PRKACB: variants seen among roughly 807,000 people sequenced by gnomAD.
The protein encoded by PRKACB is cAMP-dependent protein kinase catalytic subunit beta.
A neutral mutation model predicts 51.4 loss-of-function variants in PRKACB; 16 were observed. The observed-to-expected ratio is 0.31, with a 90% CI of 0.21 to 0.47. PRKACB has a LOEUF of 0.47. PRKACB is among the 20% of genes least tolerant of loss of function. PRKACB has a pLI of 1.00. For missense variants in PRKACB, 309 were observed against 464.5 expected (o/e 0.67, Z 3.08); for synonymous variants, 147 against 154.4 (o/e 0.95, Z 0.35).
intron 2 of PRKACB, among the ~76,000 whole-genome samples, chr1:84,181,201 CAGTGAACT>C (rs377578138): frequency 0.013 from 1,950 of 152,064 alleles, 56 homozygotes; most frequent in African/African-American, 0.045. Context: ...AATCCAACTA[CAGTGAACT>C]GTAATACCTA....
At chr1:84,155,117 C>A (rs1655323021) in intron 1 of PRKACB, among the ~76,000 whole-genome samples, 1 of 151,960 alleles carries the variant, frequency 6.6e-6, no homozygotes, top group Admixed American at 6.6e-5. Context: ...ATGATATTAT[C>A]TTGTATATTA....
At chr1:84,107,120 T>A (rs1273740235) in intron 1 of PRKACB, among the ~76,000 whole-genome samples, 1 of 152,120 alleles carries the variant, frequency 6.6e-6, no homozygotes, top group Non-Finnish European at 1.5e-5. Context: ...CCTACAGATA[T>A]GCCCCCGAAC....
intron 5 of PRKACB, among the ~76,000 whole-genome samples, chr1:84,188,486 C>T (rs1665825116): frequency 6.6e-6 from 1 of 151,606 alleles, no homozygotes; most frequent in Non-Finnish European, 1.5e-5. Flanking sequence ...TCTAGAATAG[C>T]CATGGGTAAA....
At chr1:84,235,131 A>C (rs1572628569) in intron 9 of PRKACB, 49 bp from the exon 10 acceptor site, 1 of 1,562,222 alleles carries the variant, frequency 6.4e-7, no homozygotes, top group Non-Finnish European at 8.7e-7. Context: ...GGAAACTCTC[A>C]GGAATTTTTT....
At chr1:84,197,952 A>T (rs376153791) in intron 7 of PRKACB, 128 bp downstream of exon 7, 2 of 624,566 alleles carry the variant, frequency 3.2e-6, no homozygotes, top group African/African-American at 1.9e-5. Context: ...ATTTAAATCT[A>T]TTTGTGCATG....
At chr1:84,212,595 A>G (rs11802441) in intron 8 of PRKACB, among the ~76,000 whole-genome samples, 348 of 152,238 alleles carry the variant, frequency 2.3e-3, no homozygotes, top group African/African-American at 7.9e-3. Flanking sequence ...CAACTCTGCC[A>G]CTTTATGGCC....
intron 1 of PRKACB, among the ~76,000 whole-genome samples, chr1:84,094,733 C>G (rs932362929): frequency 6.6e-6 from 1 of 152,104 alleles, no homozygotes; most frequent in African/African-American, 2.4e-5. Context: ...CACATACACA[C>G]ACTAAGACAA....
At chr1:84,184,629 G>A (rs957930421) in intron 4 of PRKACB, among the ~76,000 whole-genome samples, 1 of 151,406 alleles carries the variant, frequency 6.6e-6, no homozygotes, top group Non-Finnish European at 1.5e-5. Flanking sequence ...GAATGATACT[G>A]GCATCTCTCT....
chr1:84,189,175 G>C (rs1196379009), intron 5 of PRKACB, among the ~76,000 whole-genome samples: 2 of 151,810 alleles, frequency 1.3e-5, no homozygotes, highest in Non-Finnish European at 2.9e-5. Flanking sequence ...TCATCTGAAA[G>C]TTGATTGAGT....
chr1:84,111,579 C>A (rs1316590832), intron 1 of PRKACB, among the ~76,000 whole-genome samples: 3 of 151,902 alleles, frequency 2.0e-5, no homozygotes, highest in African/African-American at 7.2e-5. Flanking sequence ...ACTACCCATA[C>A]ATAATTTCCA....
At chr1:84,173,244 G>A in intron 1 of PRKACB, 1 of 970,790 alleles carries the variant, frequency 1.0e-6, no homozygotes. Flanking sequence ...GTGCAGTACA[G>A]TAGTGAACAT....
chr1:84,205,011 C>T (rs1209672651), intron 8 of PRKACB: 3 of 983,550 alleles, frequency 3.1e-6, no homozygotes, highest in South Asian at 4.7e-5. Context: ...ATCCTGGGCA[C>T]CTTAGAAGAA....
intron 1 of PRKACB, among the ~76,000 whole-genome samples, chr1:84,169,647 G>C (rs965582937): frequency 1.3e-5 from 2 of 151,466 alleles, no homozygotes; most frequent in Non-Finnish European, 3.0e-5. Flanking sequence ...AAATTGAATG[G>C]ATAGCATTCC....
At chr1:84,216,422 A>G (rs1672890083) in intron 9 of PRKACB, among the ~76,000 whole-genome samples, 1 of 152,160 alleles carries the variant, frequency 6.6e-6, no homozygotes, top group Non-Finnish European at 1.5e-5. Context: ...ATATAGCCAG[A>G]CCAAAACAAT....
intron 1 of PRKACB, among the ~76,000 whole-genome samples, chr1:84,145,274 A>G (rs1260286492): frequency 1.3e-5 from 2 of 152,102 alleles, no homozygotes; most frequent in Non-Finnish European, 2.9e-5. Context: ...CATATAAACA[A>G]TACTAGTGCC....
rs1421526960 is a variant in PRKACB at position 84,184,281 on chromosome 1, T to C, written c.477+146T>C. On this transcript the variant is annotated intron_variant, in intron 4 of 9. Coordinates refer to ENST00000370685, the MANE Select transcript of PRKACB (RefSeq NM_182948.4). ...CTCTAGAGTTTGTGTAATTAAATCC[T>C]ATTGTGCTTATAACTTAGGTAACGT... 8.6e-5 allele frequency: 57 copies of C among 659,502 alleles called. 1 individual carries two copies. Among genetic ancestry groups the C allele is most frequent in the Non-Finnish European group, 2.6e-5 (11 of 429,804 alleles). The allele number at this position is 659,502 out of a possible 1,614,324, so 40.9% of individuals were successfully genotyped here. A position where few individuals can be genotyped will look rare whatever the true frequency, so the allele number is the denominator to read the frequency against.
intron 1 of PRKACB, among the ~76,000 whole-genome samples, chr1:84,134,774 TAAA>T (rs1410531997): frequency 1.3e-5 from 2 of 152,102 alleles, no homozygotes. Flanking sequence ...AAACATCCAT[TAAA>T]AGACAGTTCA....
At chr1:84,177,230 CA>C (rs1247299369) in intron 1 of PRKACB, among the ~76,000 whole-genome samples, 1 of 151,970 alleles carries the variant, frequency 6.6e-6, no homozygotes, top group Non-Finnish European at 1.5e-5. Flanking sequence ...TTGGGAATCA[CA>C]AGTTGTTTTT....
intron 9 of PRKACB, among the ~76,000 whole-genome samples, chr1:84,229,650 T>A (rs375678870): frequency 3.3e-5 from 5 of 151,842 alleles, no homozygotes; most frequent in African/African-American, 1.2e-4. Flanking sequence ...GATATCTCAT[T>A]GTGGTTTTGA....
Sources: gnomAD v4.1 joint callset for allele counts (sites outside exome capture counted in the v4.1 genomes callset) on GRCh38, gnomAD v4.1.1 for gene constraint, MANE v1.5 for transcripts, NCBI Gene and HGNC (gene_info 2026-07-23, HGNC 2026-07-21) for gene names.